The following STXBP5 variants were observed in gnomAD, a reference collection of about 807,000 sequenced individuals.
STXBP5 encodes the protein syntaxin binding protein 5, also known as syntaxin-binding protein 5.
STXBP5 carries 50 observed loss-of-function variants against 152.4 expected under a neutral mutation model. That is an observed-to-expected ratio of 0.33 (90% CI 0.26 to 0.42). The LOEUF is 0.42. Ranked by LOEUF, STXBP5 falls within the 10% of genes least tolerant of loss-of-function variation. STXBP5 has a pLI of 1.00. For synonymous variants in STXBP5, 492 were observed against 494.7 expected (o/e 0.99, Z 0.07); for missense variants, 1,167 against 1,388.6 (o/e 0.84, Z 2.54).
intron 8 of STXBP5, among the ~76,000 whole-genome samples, chr6:147,288,727 A>T (rs1781122634): frequency 1.3e-5 from 2 of 152,208 alleles, no homozygotes; most frequent in African/African-American, 4.8e-5. Flanking sequence ...GCATAAAGAA[A>T]AAAAGAGACC....
In STXBP5 at chr6:147,372,406, C is replaced by CTTTTTTTTTTTTTTTTTTTTTTTTTTT; in HGVS notation, c.3082-1325_3082-1324insTTTTTTTTTTTTTTTTTTTTTTTTTTT. On this transcript the variant is annotated intron_variant, in intron 25 of 27. Coordinates refer to ENST00000321680, the MANE Select transcript of STXBP5 (RefSeq NM_001127715.4). ...ATATAAATGTTACTACCGTCCTTTT[C>CTTTTTTTTTTTTTTTTTTTTTTTTTTT]CTTTTTTTTTTTTTTTTTTTTTTTT... Among the ~76,000 whole-genome samples the CTTTTTTTTTTTTTTTTTTTTTTTTTTT allele has an allele frequency of 1.6e-3, 62 of 39,108 alleles. 30 individuals carry two copies. The highest frequency in any genetic ancestry group is 0.027 in the Middle Eastern group (2 of 74). The allele number at this position is 39,108 out of a possible 152,430, so 25.7% of individuals were successfully genotyped here.
At chr6:147,233,836 A>G (rs576562871) in intron 2 of STXBP5, among the ~76,000 whole-genome samples, 1 of 150,404 alleles carries the variant, frequency 6.6e-6, no homozygotes, top group Non-Finnish European at 1.5e-5. Context: ...TACTCCTACT[A>G]CTACTACTAC....
At chr6:147,305,452 A>G (rs1332861312) in intron 9 of STXBP5, among the ~76,000 whole-genome samples, 4 of 152,178 alleles carry the variant, frequency 2.6e-5, no homozygotes, top group Non-Finnish European at 5.9e-5. Flanking sequence ...GGTAGATTAA[A>G]AAACTTAGTA....
At chr6:147,312,505 C>T (rs986744314) in intron 11 of STXBP5, among the ~76,000 whole-genome samples, 3 of 152,060 alleles carry the variant, frequency 2.0e-5, no homozygotes, top group Admixed American at 1.3e-4. Flanking sequence ...GAATATATGG[C>T]GATCTCTGTG....
Position 147,313,970 on chromosome 6 carries a change from A to C in STXBP5, c.1232A>C (p.Asp411Ala). The change falls in exon 12 of 28, where the codon GAC becomes GCC. Residue 411 changes from aspartate to alanine, a missense_variant. Around this residue, in one of 3 missense-constraint regions of STXBP5, gnomAD observed 833 missense variants for 986.3 expected, o/e 0.84. Coordinates refer to ENST00000321680, the MANE Select transcript of STXBP5 (RefSeq NM_001127715.4). ...GAATATTTTGCGGATTGTCCTGTGG[A>C]CCTTATTCCTGCACTTTATTCTGTT... The part of the protein sequence containing the change: ...CCEYFADCPV[D>A]LIPALYSVGA... 1 of 1,604,190 alleles carries C rather than the reference A, an allele frequency of 6.2e-7. No individual in the cohort carries two copies. Among genetic ancestry groups the C allele is most frequent in the South Asian group, 1.1e-5 (1 of 89,188 alleles).
chr6:147,246,650 T>G (rs1778823122), intron 4 of STXBP5, among the ~76,000 whole-genome samples: 1 of 152,298 alleles, frequency 6.6e-6, no homozygotes, highest in Admixed American at 6.5e-5. Context: ...TATATGACTT[T>G]TATTATTTGA....
chr6:147,215,252 A>G (rs1482337646), intron 2 of STXBP5, among the ~76,000 whole-genome samples: 2 of 152,258 alleles, frequency 1.3e-5, no homozygotes, highest in Non-Finnish European at 2.9e-5. Context: ...TTTTTAAAGG[A>G]TATACAGAGA....
intron 16 of STXBP5, among the ~76,000 whole-genome samples, chr6:147,318,551 A>T (rs1430683675): frequency 1.3e-5 from 2 of 152,052 alleles, no homozygotes; most frequent in Non-Finnish European, 2.9e-5. Context: ...CTTGTTTGGG[A>T]GGACTTTTCA....
At chr6:147,270,598 T>TAA (rs1780117340) in intron 7 of STXBP5, among the ~76,000 whole-genome samples, 2 of 151,980 alleles carry the variant, frequency 1.3e-5, no homozygotes, top group Admixed American at 6.6e-5. Flanking sequence ...ATTAATCACT[T>TAA]GCAGACCTCA....
rs113044151 is a variant in STXBP5 at position 147,359,574 on chromosome 6, A to G, written c.2545+251A>G. On this transcript the variant is annotated intron_variant, in intron 23 of 27. Coordinates refer to ENST00000321680, the MANE Select transcript of STXBP5 (RefSeq NM_001127715.4). Reference sequence around the variant, plus strand: ...CTCTGCACCCACTAACTCGTCATCTAGCATTAGGTATATCTCCCAATGCTA... The same window carrying G: ...CTCTGCACCCACTAACTCGTCATCTGGCATTAGGTATATCTCCCAATGCTA... Among the ~76,000 whole-genome samples, 1,142 of 150,806 alleles carry G rather than the reference A, an allele frequency of 7.6e-3. 17 individuals are homozygous for G. Among genetic ancestry groups the G allele is most frequent in the African/African-American group, 0.025 (1,049 of 41,142 alleles).
intron 3 of STXBP5, among the ~76,000 whole-genome samples, chr6:147,235,868 CTG>C (rs1320629258): frequency 1.3e-5 from 2 of 152,128 alleles, no homozygotes; most frequent in Admixed American, 1.3e-4. Flanking sequence ...ATAGGAAACA[CTG>C]TTTTTGCATA....
chr6:147,241,596 GA>G (rs1274408422), intron 4 of STXBP5, among the ~76,000 whole-genome samples: 1 of 152,034 alleles, frequency 6.6e-6, no homozygotes. Flanking sequence ...TAATGGAGCT[GA>G]AATACTCCTA....
chr6:147,232,445 A>G (rs2115159611), intron 2 of STXBP5, among the ~76,000 whole-genome samples: 1 of 151,922 alleles, frequency 6.6e-6, no homozygotes, highest in Non-Finnish European at 1.5e-5. Context: ...TCAATTCTTT[A>G]AAACTTAATT....
intron 26 of STXBP5, among the ~76,000 whole-genome samples, chr6:147,377,468 C>A (rs1021689072): frequency 6.6e-6 from 1 of 152,152 alleles, no homozygotes; most frequent in Non-Finnish European, 1.5e-5. Flanking sequence ...ACAGAGCTGT[C>A]TTAGTTCAGG....
intron 21 of STXBP5, among the ~76,000 whole-genome samples, chr6:147,352,486 G>T (rs556696341): frequency 3.3e-5 from 5 of 152,218 alleles, no homozygotes; most frequent in East Asian, 3.9e-4. Flanking sequence ...TGGCTTGCAC[G>T]TGTAATCCCA....
At position 147,327,292 on chromosome 6, in the gene STXBP5, A is replaced by T. The variant is rs1339168466; in HGVS notation, c.2080+16A>T. 1 of 1,595,580 alleles carries T rather than the reference A, an allele frequency of 6.3e-7. No individual in the cohort carries two copies. The highest frequency in any genetic ancestry group is 1.8e-5 in the Admixed American group (1 of 54,392). Reference sequence around the variant, plus strand: ...CCTTCAGGAGGTAAAAAGAAAAGAAAAGAAAATTCTGAGCTTTAGGATTTC... The same window carrying T: ...CCTTCAGGAGGTAAAAAGAAAAGAATAGAAAATTCTGAGCTTTAGGATTTC... On this transcript the variant is annotated intron_variant, in intron 18 of 27. Transcript: ENST00000321680.
chr6:147,241,042 T>C (rs986935806), intron 4 of STXBP5, among the ~76,000 whole-genome samples: 4 of 152,228 alleles, frequency 2.6e-5, no homozygotes, highest in Non-Finnish European at 4.4e-5. Context: ...TACTGTATTA[T>C]GATACCCAAA....
intron 4 of STXBP5, among the ~76,000 whole-genome samples, chr6:147,259,037 A>G (rs1271043480): frequency 6.6e-6 from 1 of 152,118 alleles, no homozygotes; most frequent in Non-Finnish European, 1.5e-5. Flanking sequence ...TACTTAAATG[A>G]TGATGGTAGT....
chr6:147,217,210 G>GA (rs1777214632), intron 2 of STXBP5, among the ~76,000 whole-genome samples: 1 of 150,992 alleles, frequency 6.6e-6, no homozygotes, highest in Non-Finnish European at 1.5e-5. Flanking sequence ...TTTGTCTTTT[G>GA]AAAAGGAAAA....
Sources: allele counts gnomAD v4.1 joint callset (sites outside exome capture counted in the v4.1 genomes callset), GRCh38; gene constraint gnomAD v4.1.1; regional missense constraint gnomAD v4.1.1; transcripts MANE v1.5; gene names NCBI Gene and HGNC (gene_info 2026-07-23, HGNC 2026-07-21).